Variants in PARVB observed in about 807,000 individuals in gnomAD.
PARVB encodes beta-parvin.
A neutral mutation model predicts 47.0 loss-of-function variants in PARVB; 46 were observed. The observed-to-expected ratio is 0.98, with a 90% CI of 0.77 to 1.25. PARVB has a LOEUF of 1.25. Ranked by LOEUF, PARVB falls within the 50% of genes most tolerant of loss-of-function variation. The pLI is 0.00. For missense variants in PARVB, 473 were observed against 471.6 expected, an observed-to-expected ratio of 1.00 and a Z score of -0.03; for synonymous variants, 196 against 196.3, an observed-to-expected ratio of 1.00 and a Z score of 0.01.
At chr22:44,123,782 C>T (rs1460781901) in intron 4 of PARVB, among the ~76,000 whole-genome samples, 1 of 152,100 alleles carries the variant, frequency 6.6e-6, no homozygotes, top group Non-Finnish European at 1.5e-5. Context: ...CCACCCACCT[C>T]GGGCTCCCAA....
chr22:44,100,204 G>A (rs2052410211), intron 3 of PARVB, 81 bp downstream of exon 3: 2 of 1,116,570 alleles, frequency 1.8e-6, no homozygotes, highest in Non-Finnish European at 1.4e-6. Flanking sequence ...ATGGACAAAG[G>A]GAGCTAAACC....
At chr22:44,060,188 C>A (rs1406209778) in intron 1 of PARVB, among the ~76,000 whole-genome samples, 4 of 151,984 alleles carry the variant, frequency 2.6e-5, no homozygotes, top group Non-Finnish European at 4.4e-5. Context: ...TGGTGGCAGC[C>A]ACCTGTAATC....
Position 44,168,697 on chromosome 22 carries a change from T to G in PARVB, c.*19T>G. 6.5e-7 allele frequency: 1 copy of G among 1,542,442 alleles called. No individual in the cohort carries two copies. The highest frequency in any genetic ancestry group is 1.1e-5 in the South Asian group (1 of 89,642). The stretch of plus-strand genomic sequence containing the variant: ...GGAGTGACGGGGGAGCTGTGGATGG[T>G]GGCAGGAGTGTCCCAGCAAGAAAGG... On this transcript the variant is annotated 3_prime_UTR_variant, in exon 13 of 13. Coordinates refer to ENST00000338758, the MANE Select transcript of PARVB (RefSeq NM_013327.5).
chr22:44,126,345 T>C (rs2053185333), intron 4 of PARVB, among the ~76,000 whole-genome samples: 1 of 152,166 alleles, frequency 6.6e-6, no homozygotes, highest in Admixed American at 6.5e-5. Flanking sequence ...TATCACAATT[T>C]TATTATTAAA....
intron 2 of PARVB, among the ~76,000 whole-genome samples, chr22:44,011,674 AGTCT>A (rs2050524541): frequency 6.6e-6 from 1 of 152,066 alleles, no homozygotes; most frequent in Non-Finnish European, 1.5e-5. Flanking sequence ...CTTGCATCAG[AGTCT>A]GTCTGGCCCC....
chr22:44,060,513 T>A (rs2051399096), intron 1 of PARVB, among the ~76,000 whole-genome samples: 1 of 151,978 alleles, frequency 6.6e-6, no homozygotes. Context: ...TCCTGGTGTG[T>A]CAGGTCAGGT....
intron 4 of PARVB, among the ~76,000 whole-genome samples, chr22:44,119,384 C>T (rs1022222527): frequency 6.6e-6 from 1 of 152,214 alleles, no homozygotes; most frequent in Non-Finnish European, 1.5e-5. Context: ...GCTTCCAAAA[C>T]TGCCTGCGGC....
At chr22:44,067,245 A>G (rs747161392) in intron 1 of PARVB, among the ~76,000 whole-genome samples, 65 of 152,242 alleles carry the variant, frequency 4.3e-4, no homozygotes, top group Admixed American at 9.2e-4. Context: ...GTCGATGCAT[A>G]CAGGGTGAGT....
intron 11 of PARVB, among the ~76,000 whole-genome samples, chr22:44,163,200 C>T (rs1023091793): frequency 1.3e-5 from 2 of 152,152 alleles, no homozygotes; most frequent in East Asian, 1.9e-4. Flanking sequence ...CCAGGCGCAG[C>T]GGCTCACGCC....
chr22:44,097,988 G>T lies in PARVB; in HGVS notation c.203-2065G>T, dbSNP rs574055152. Among the ~76,000 whole-genome samples the T allele has an allele frequency of 2.6e-3, 389 of 151,526 alleles. 1 individual carries two copies. Among genetic ancestry groups the T allele is most frequent in the African/African-American group, 9.0e-3 (373 of 41,236 alleles). On this transcript the variant is annotated intron_variant, in intron 2 of 12. Transcript: ENST00000338758. ...CCACCATGGCATGCTGCCCAGTCTG[G>T]GGTCAGACGTGGGCTCAGAGCCTTC...
intron 2 of PARVB, among the ~76,000 whole-genome samples, chr22:44,004,181 C>T (rs376951043): frequency 2.0e-5 from 3 of 152,308 alleles, no homozygotes; most frequent in South Asian, 4.1e-4. Context: ...ACAGCAGACA[C>T]GAAGTAGCAG....
chr22:44,036,452 C>G (rs1424660923), intron 1 of PARVB, among the ~76,000 whole-genome samples: 1 of 151,898 alleles, frequency 6.6e-6, no homozygotes, highest in Non-Finnish European at 1.5e-5. Flanking sequence ...ATATTTTATG[C>G]ATTTGTCGCA....
intron 1 of PARVB, among the ~76,000 whole-genome samples, chr22:44,058,650 G>A (rs898362849): frequency 2.0e-5 from 3 of 147,978 alleles, no homozygotes; most frequent in Non-Finnish European, 4.4e-5. Context: ...CTCCTCCCGA[G>A]TTCAAGCGAC....
At chr22:44,072,299 T>C (rs955064852) in intron 1 of PARVB, among the ~76,000 whole-genome samples, 5 of 151,882 alleles carry the variant, frequency 3.3e-5, no homozygotes, top group Non-Finnish European at 7.4e-5. Flanking sequence ...AGTCCCCGAG[T>C]CTCTGTCCCC....
intron 1 of PARVB, among the ~76,000 whole-genome samples, chr22:44,046,448 C>A (rs2051113530): frequency 6.6e-6 from 1 of 152,236 alleles, no homozygotes; most frequent in Non-Finnish European, 1.5e-5. Context: ...GGATGCATCT[C>A]TGCTGGGCTT....
chr22:44,036,965 CAG>C (rs1233858250), intron 1 of PARVB, among the ~76,000 whole-genome samples: 2 of 151,046 alleles, frequency 1.3e-5, no homozygotes, highest in African/African-American at 4.9e-5. Flanking sequence ...AGCTGTGTGA[CAG>C]AGTGAGGCCC....
intron 4 of PARVB, among the ~76,000 whole-genome samples, chr22:44,120,157 C>T (rs117659911): frequency 0.011 from 1,678 of 152,314 alleles, 17 homozygotes; most frequent in East Asian, 0.053. Context: ...TCTGACCTGT[C>T]TACGGAGCAG....
intron 1 of PARVB, among the ~76,000 whole-genome samples, chr22:44,058,590 T>G (rs1188210865): frequency 1.4e-5 from 2 of 142,272 alleles, no homozygotes; most frequent in African/African-American, 5.3e-5. Context: ...AGTCTCACTC[T>G]GTAGCCCAGG....
chr22:44,029,947 C>T (rs2050795929), intron 1 of PARVB, among the ~76,000 whole-genome samples: 1 of 152,126 alleles, frequency 6.6e-6, no homozygotes, highest in Admixed American at 6.5e-5. Flanking sequence ...CACTAGGTAG[C>T]TGCGACATTG....
Sources: gnomAD v4.1 joint callset for allele counts (sites outside exome capture counted in the v4.1 genomes callset) on GRCh38, gnomAD v4.1.1 for gene constraint, MANE v1.5 for transcripts, NCBI Gene and HGNC (gene_info 2026-07-23, HGNC 2026-07-21) for gene names.